The following ZNF277 variants were observed in gnomAD, a reference collection of about 807,000 sequenced individuals.
ZNF277 encodes the protein nuclear receptor-interacting factor 4.
In ZNF277, 55 loss-of-function variants were observed where a neutral mutation model predicts 60.7. The ratio of observed to expected loss-of-function variants is 0.91; its 90% CI spans 0.73 to 1.13. The LOEUF is 1.13. Among genes scored for constraint, ZNF277 ranks in the 50% most tolerant of loss-of-function variants. The probability of loss-of-function intolerance (pLI) is 0.00; values close to 1 mark genes in which losing one functional copy is unlikely to be tolerated. For synonymous variants in ZNF277, 178 were observed against 179.3 expected (o/e 0.99, Z 0.06); for missense variants, 510 against 523.0 (o/e 0.98, Z 0.24).
intron 1 of ZNF277, among the ~76,000 whole-genome samples, chr7:112,285,705 A>T (rs1736941196): frequency 6.6e-6 from 1 of 151,640 alleles, no homozygotes; most frequent in African/African-American, 2.4e-5. Flanking sequence ...AAGCTCTGGG[A>T]TTACAGATGT....
intron 1 of ZNF277, among the ~76,000 whole-genome samples, chr7:112,279,754 A>G (rs964270580): frequency 2.0e-5 from 3 of 152,202 alleles, no homozygotes; most frequent in Admixed American, 1.3e-4. Flanking sequence ...ATTTCTAACT[A>G]TAAAATAAGC....
chr7:112,249,357 T>C (rs1791150095), intron 1 of ZNF277, among the ~76,000 whole-genome samples: 1 of 152,162 alleles, frequency 6.6e-6, no homozygotes, highest in South Asian at 2.1e-4. Context: ...AATTAGGGGT[T>C]CCCTCTTAAA....
intron 5 of ZNF277, among the ~76,000 whole-genome samples, chr7:112,319,875 G>A (rs1161097938): frequency 6.6e-6 from 1 of 151,576 alleles, no homozygotes; most frequent in Admixed American, 6.6e-5. Flanking sequence ...AACAATAAAG[G>A]CTGGTCTTAA....
chr7:112,265,063 T>A lies in ZNF277; in HGVS notation c.92-21810T>A, dbSNP rs1268758750. ...TCCCTTCATCAAAACTTTCTCCATA[T>A]AAGTTGTTTTGCTTTTTTATCATTT... On this transcript the variant is annotated intron_variant, in intron 1 of 11. Coordinates refer to ENST00000361822, the MANE Select transcript of ZNF277 (RefSeq NM_021994.3). Among the ~76,000 whole-genome samples, 5 of 152,186 alleles carry A rather than the reference T, an allele frequency of 3.3e-5. No individual in the cohort carries two copies. The East Asian group carries it at 9.6e-4, about 29-fold the overall frequency.
intron 1 of ZNF277, among the ~76,000 whole-genome samples, chr7:112,252,843 G>A (rs1211139049): frequency 6.6e-6 from 1 of 152,208 alleles, no homozygotes; most frequent in Non-Finnish European, 1.5e-5. Flanking sequence ...TGTATAGTCA[G>A]TGAGTAAATA....
intron 1 of ZNF277, among the ~76,000 whole-genome samples, chr7:112,258,887 TA>T (rs912429233): frequency 4.5e-4 from 68 of 150,422 alleles, no homozygotes; most frequent in African/African-American, 1.4e-3. Context: ...TTTGTGACAT[TA>T]AAAAAAAACA....
At chr7:112,337,688 T>C in intron 8 of ZNF277, 42 bp from the exon 9 acceptor site, 1 of 1,560,472 alleles carries the variant, frequency 6.4e-7, no homozygotes, top group Non-Finnish European at 8.8e-7. Flanking sequence ...ACTCTCTTAA[T>C]GAAGGGAATC....
chr7:112,246,282 G>T (rs967013007), intron 1 of ZNF277, among the ~76,000 whole-genome samples: 3 of 152,054 alleles, frequency 2.0e-5, no homozygotes, highest in Non-Finnish European at 4.4e-5. Flanking sequence ...CAGCTACTCA[G>T]AAATAGAAAG....
chr7:112,298,774 CTATT>C (rs1197281491), intron 4 of ZNF277, among the ~76,000 whole-genome samples: 1 of 152,180 alleles, frequency 6.6e-6, no homozygotes, highest in African/African-American at 2.4e-5. Context: ...AAATGCCGTT[CTATT>C]TATGAGTAAA....
chr7:112,274,825 T>C (rs899351857), intron 1 of ZNF277, among the ~76,000 whole-genome samples: 9 of 152,218 alleles, frequency 5.9e-5, no homozygotes, highest in African/African-American at 9.6e-5. Context: ...GAAATTTCCA[T>C]TGGGCATCAC....
chr7:112,310,478 A>AGAGAGAGAGAGAGAGTGTGT (rs762824873), intron 4 of ZNF277, among the ~76,000 whole-genome samples: 6 of 125,576 alleles, frequency 4.8e-5, no homozygotes, highest in African/African-American at 1.5e-4. Context: ...AGAGAGAGAG[A>AGAGAGAGAGAGAGAGTGTGT]GTGTGTGTGT....
intron 1 of ZNF277, among the ~76,000 whole-genome samples, chr7:112,209,377 C>T (rs1821675122): frequency 6.6e-6 from 1 of 152,134 alleles, no homozygotes; most frequent in African/African-American, 2.4e-5. Context: ...TTCTTTCCCC[C>T]ATATTGTCAC....
intron 1 of ZNF277, among the ~76,000 whole-genome samples, chr7:112,209,589 A>C: frequency 6.6e-6 from 1 of 152,194 alleles, no homozygotes; most frequent in East Asian, 1.9e-4. Flanking sequence ...TGTAGCAGTC[A>C]ACAGGAGAAA....
At chr7:112,236,868 T>C (rs1418593735) in intron 1 of ZNF277, among the ~76,000 whole-genome samples, 2 of 152,138 alleles carry the variant, frequency 1.3e-5, no homozygotes, top group African/African-American at 2.4e-5. Context: ...AATTGGACTT[T>C]AGACCAAATG....
chr7:112,241,978 C>A (rs75431763), intron 1 of ZNF277, among the ~76,000 whole-genome samples: 3,876 of 151,806 alleles, frequency 0.026, 149 homozygotes, highest in African/African-American at 0.089. Flanking sequence ...ACCTATTGTA[C>A]ATTTAAAAAA....
intron 1 of ZNF277, among the ~76,000 whole-genome samples, chr7:112,209,503 G>A (rs915338663): frequency 1.3e-5 from 2 of 152,130 alleles, no homozygotes; most frequent in Admixed American, 6.5e-5. Context: ...GTGTTGAGTA[G>A]TAGTGAATTT....
At chr7:112,333,780 G>A (rs17492150) in intron 7 of ZNF277, among the ~76,000 whole-genome samples, 35,724 of 152,158 alleles carry the variant, frequency 0.23, 5,562 homozygotes, top group East Asian at 0.63. Context: ...CTTTTGCATA[G>A]TCTGAATTAT....
chr7:112,342,762 G>A lies in ZNF277; in HGVS notation c.*33G>A. 2.1e-6 allele frequency: 3 copies of A among 1,440,200 alleles called. No homozygotes were observed. The highest frequency in any genetic ancestry group is 2.8e-6 in the Non-Finnish European group (3 of 1,090,350). The allele number at this position is 1,440,200 out of a possible 1,614,324, so 89.2% of individuals were successfully genotyped here. On this transcript the variant is annotated 3_prime_UTR_variant, in exon 12 of 12. Transcript: ENST00000361822. Reference sequence around the variant, plus strand: ...TGAAAACCTAGAAGAAACTACCACAGAAGCAATTTTTCATGTTTTTCTCCT... The same window carrying A: ...TGAAAACCTAGAAGAAACTACCACAAAAGCAATTTTTCATGTTTTTCTCCT...
At chr7:112,297,339 G>T (rs942486452) in intron 4 of ZNF277, among the ~76,000 whole-genome samples, 1 of 152,108 alleles carries the variant, frequency 6.6e-6, no homozygotes, top group Non-Finnish European at 1.5e-5. Flanking sequence ...ATTACTTGAA[G>T]TTGACTTGCT....
Sources: allele counts gnomAD v4.1 joint callset (sites outside exome capture counted in the v4.1 genomes callset), GRCh38; gene constraint gnomAD v4.1.1; transcripts MANE v1.5; gene names NCBI Gene and HGNC (gene_info 2026-07-23, HGNC 2026-07-21).